The following BEND4 variants were observed in gnomAD, a reference collection of about 807,000 sequenced individuals.
The protein encoded by BEND4 is BEN domain containing 4, also known as BEN domain-containing protein 4.
In BEND4, 27 loss-of-function variants were observed where a neutral mutation model predicts 54.7. The observed-to-expected ratio is 0.49, with a 90% CI of 0.36 to 0.68. BEND4 has a LOEUF of 0.68. Ranked by LOEUF, BEND4 falls within the 30% of genes least tolerant of loss-of-function variation. The pLI is 0.00. For missense variants in BEND4, 702 were observed against 697.2 expected (o/e 1.01, Z -0.08); for synonymous variants, 327 against 299.5 (o/e 1.09, Z -0.95).
At chr4:42,139,785 C>T (rs1257421792) in intron 3 of BEND4, among the ~76,000 whole-genome samples, 2 of 152,144 alleles carry the variant, frequency 1.3e-5, no homozygotes, top group East Asian at 3.8e-4. Flanking sequence ...TCCCACAACA[C>T]AGGTAGATTC....
At position 42,111,597 on chromosome 4, in the gene BEND4, A is replaced by C. The variant is rs1169490368; in HGVS notation, c.*5921T>G. The C allele has an allele frequency of 1.3e-5, 2 of 152,230 alleles. No individual in the cohort carries two copies. Among genetic ancestry groups the C allele is most frequent in the Admixed American group, 6.5e-5 (1 of 15,288 alleles). The allele number at this position is 152,230 out of a possible 1,614,324, so 9.4% of individuals were successfully genotyped here. ...CACAGCCAAAGGGATGTGAAAGCCA[A>C]AACTACAGGAAAAAATCAACAGATT... On this transcript the variant is annotated 3_prime_UTR_variant, in exon 6 of 6. Transcript: ENST00000502486.
chr4:42,126,902 G>C (rs1720309207), intron 3 of BEND4, among the ~76,000 whole-genome samples: 1 of 152,158 alleles, frequency 6.6e-6, no homozygotes, highest in Non-Finnish European at 1.5e-5. Flanking sequence ...AAAGATAAAG[G>C]TCTTGGTAGC....
chr4:42,135,336 T>C (rs1720661482), intron 3 of BEND4, among the ~76,000 whole-genome samples: 1 of 152,206 alleles, frequency 6.6e-6, no homozygotes, highest in Non-Finnish European at 1.5e-5. Flanking sequence ...CCACTTATCA[T>C]AAGGAAAACA....
At chr4:42,125,511 T>C (rs949072847) in intron 4 of BEND4, 72 bp downstream of exon 4, 3 of 1,182,364 alleles carry the variant, frequency 2.5e-6, no homozygotes, top group Non-Finnish European at 3.8e-6. Context: ...TGTTCTGGTA[T>C]ACACTGATAA....
At chr4:42,139,030 G>A (rs926866590) in intron 3 of BEND4, among the ~76,000 whole-genome samples, 3 of 152,094 alleles carry the variant, frequency 2.0e-5, no homozygotes, top group African/African-American at 4.8e-5. Context: ...TGTTGACTAA[G>A]CTTCCTAAGT....
At chr4:42,134,562 A>T (rs779767620) in intron 3 of BEND4, among the ~76,000 whole-genome samples, 15 of 152,244 alleles carry the variant, frequency 9.9e-5, no homozygotes, top group Non-Finnish European at 2.1e-4. Flanking sequence ...GAGGGGACAC[A>T]AAGATGACTT....
chr4:42,151,464 G>C (rs1401374188), intron 2 of BEND4, 193 bp downstream of exon 2: 18 of 470,126 alleles, frequency 3.8e-5, no homozygotes, highest in Non-Finnish European at 1.0e-5. Context: ...GCGCGCCGTC[G>C]GAAGCCCAGG....
At chr4:42,130,575 G>A (rs931038934) in intron 3 of BEND4, among the ~76,000 whole-genome samples, 11 of 151,878 alleles carry the variant, frequency 7.2e-5, no homozygotes, top group African/African-American at 2.2e-4. Context: ...AGATGCTGGC[G>A]AGGCTGTGGA....
In BEND4 at chr4:42,117,609, T is replaced by C; in HGVS notation, c.1514A>G (p.His505Arg). Reference protein sequence around the residue: ...RQGRAVGTFLHNGGSFYEGID... With the variant: ...RQGRAVGTFLRNGGSFYEGID... ...CCCTTCATAAAATGAGCCACCGTTG[T>C]GCAGGAAAGTCCCCACCGCCCGCCC... is the stretch of plus-strand genomic sequence containing the variant. The change falls in exon 6 of 6, where the codon CAC (histidine) becomes CGC (arginine). Residue 505 changes from histidine (H) to arginine (R), a missense_variant. Transcript: ENST00000502486. 1 of 1,613,314 alleles carries C rather than the reference T, an allele frequency of 6.2e-7. No individual in the cohort carries two copies. Among genetic ancestry groups the C allele is most frequent in the East Asian group, 2.2e-5 (1 of 44,872 alleles).
Position 42,125,649 on chromosome 4 carries a change from G to A in BEND4, c.1080C>T (p.Tyr360=). 6.2e-7 allele frequency: 1 copy of A among 1,613,124 alleles called. No individual in the cohort carries two copies. The highest frequency in any genetic ancestry group is 8.5e-7 in the Non-Finnish European group (1 of 1,179,470). The change falls in exon 4 of 6, where the codon TAC becomes TAT. Residue 360 remains tyrosine (Y), a synonymous_variant. Coordinates refer to ENST00000502486, the MANE Select transcript of BEND4 (RefSeq NM_207406.4). The stretch of plus-strand genomic sequence containing the variant: ...TGTGGTGCTGCAGAACCATCTTCAA[G>A]TAATCTAAAACGGTCTGGCAGGGCA... The part of the protein sequence containing the change: ...IPVPCQTVLD[Y]LKMVLQHHNQ...
chr4:42,141,648 G>T (rs1005735137), intron 3 of BEND4, among the ~76,000 whole-genome samples: 1 of 152,192 alleles, frequency 6.6e-6, no homozygotes, highest in South Asian at 2.1e-4. Context: ...GGCTGAGGCA[G>T]GAGAATCGCT....
rs368691156 is a variant in BEND4, at chr4:42,143,521, C to T, written c.961G>A (p.Gly321Ser). 70 of 1,553,480 alleles carry T rather than the reference C, an allele frequency of 4.5e-5. No individual in the cohort carries two copies. The African/African-American group carries it at 8.9e-4, about 20-fold the overall frequency. Residue 321 changes from glycine (G) to serine (S), a missense_variant, in exon 3 of 6, where the codon GGC becomes AGC. Coordinates refer to ENST00000502486, the MANE Select transcript of BEND4 (RefSeq NM_207406.4). ...PEEEEEEDEEGYCPRCQELEQ... is the reference protein window; with the variant it reads ...PEEEEEEDEESYCPRCQELEQ... ...AGCTCTTGGCATCGAGGACAATAGCCTTCCTCGTCCTCCTCCTCCTCCTCT... is the reference window on the plus strand; with the variant it reads ...AGCTCTTGGCATCGAGGACAATAGCTTTCCTCGTCCTCCTCCTCCTCCTCT...
At chr4:42,150,993 A>G (rs1173731675) in intron 2 of BEND4, 1 of 152,208 alleles carries the variant, frequency 6.6e-6, no homozygotes, top group Non-Finnish European at 1.5e-5. Flanking sequence ...CGCGCCCGAA[A>G]TCCACGGCGT....
intron 2 of BEND4, among the ~76,000 whole-genome samples, chr4:42,146,670 G>A (rs543722524): frequency 1.6e-4 from 24 of 152,156 alleles, no homozygotes; most frequent in Middle Eastern, 3.2e-3. Context: ...TAGCACAACA[G>A]CAGTTTTCAT....
intron 4 of BEND4, among the ~76,000 whole-genome samples, chr4:42,123,705 A>ACAAAAAAAAAAAC (rs749474601): frequency 1.4e-5 from 2 of 144,908 alleles, no homozygotes; most frequent in South Asian, 2.1e-4. Context: ...AAAAAAAAAA[A>ACAAAAAAAAAAAC]AAAAAAAAAA....
At position 42,114,731 on chromosome 4, in the gene BEND4, C is replaced by A. The variant is rs1719729207; in HGVS notation, c.*2787G>T. 1 of 152,196 alleles carries A rather than the reference C, an allele frequency of 6.6e-6. No homozygotes were observed. Among genetic ancestry groups the A allele is most frequent in the Admixed American group, 6.5e-5 (1 of 15,282 alleles). 9.4% of individuals were successfully genotyped at this position (152,196 alleles called of 1,614,324 possible). A position where few individuals can be genotyped will look rare whatever the true frequency, so the allele number is the denominator to read the frequency against. ...CCTGGCTACACAGAGGCCCAATGGG[C>A]CTTGCCAAAATACAAATGAACATCC... On this transcript the variant is annotated 3_prime_UTR_variant, in exon 6 of 6. Transcript: ENST00000502486.
In BEND4 at chr4:42,111,938, C is replaced by T. The variant is rs1719587222; in HGVS notation, c.*5580G>A. 1 of 152,208 alleles carries T rather than the reference C, an allele frequency of 6.6e-6. No homozygotes were observed. The highest frequency in any genetic ancestry group is 1.5e-5 in the Non-Finnish European group (1 of 68,040). 9.4% of individuals were successfully genotyped at this position (152,208 alleles called of 1,614,324 possible). On this transcript the variant is annotated 3_prime_UTR_variant, in exon 6 of 6. Coordinates refer to ENST00000502486, the MANE Select transcript of BEND4 (RefSeq NM_207406.4). ...CTACTTTTAAAAAAAGTTTTCTGGTCTTCATCATAGGATCTTACGTAGGTC... is the reference window on the plus strand; with the variant it reads ...CTACTTTTAAAAAAAGTTTTCTGGTTTTCATCATAGGATCTTACGTAGGTC...
rs1478509475 is a variant in BEND4, at chr4:42,113,402, C to T, written c.*4116G>A. The T allele has an allele frequency of 6.6e-6, 1 of 152,146 alleles. No individual in the cohort carries two copies. The highest frequency in any genetic ancestry group is 1.5e-5 in the Non-Finnish European group (1 of 68,030). The allele number at this position is 152,146 out of a possible 1,614,324, so 9.4% of individuals were successfully genotyped here. On this transcript the variant is annotated 3_prime_UTR_variant, in exon 6 of 6. Transcript: ENST00000502486. Reference sequence around the variant, plus strand: ...TAGAGCATAAATTGAAGGATGGAATCTAAATGAGGACAATGGATGTTTGCT... The same window carrying T: ...TAGAGCATAAATTGAAGGATGGAATTTAAATGAGGACAATGGATGTTTGCT...
chr4:42,137,018 G>C (rs1443394197), intron 3 of BEND4, among the ~76,000 whole-genome samples: 1 of 152,142 alleles, frequency 6.6e-6, no homozygotes, highest in East Asian at 1.9e-4. Flanking sequence ...TGACTTTATA[G>C]AACATAACGA....
Sources: gnomAD v4.1 joint callset for allele counts (sites outside exome capture counted in the v4.1 genomes callset) on GRCh38, gnomAD v4.1.1 for gene constraint, MANE v1.5 for transcripts, NCBI Gene and HGNC (gene_info 2026-07-23, HGNC 2026-07-21) for gene names.